Variants in DNM1 observed in about 807,000 individuals in gnomAD.
DNM1 encodes dynamin-1.
In DNM1, 29 loss-of-function variants were observed where a neutral mutation model predicts 104.6. That is an observed-to-expected ratio of 0.28 (90% confidence interval 0.21 to 0.38). The LOEUF (loss-of-function observed/expected upper bound fraction) is 0.38, where lower values mean the gene tolerates loss of function less well. Ranked by LOEUF, DNM1 falls within the 10% of genes least tolerant of loss-of-function variation. The probability of loss-of-function intolerance (pLI) is 1.00; values close to 1 mark genes in which losing one functional copy is unlikely to be tolerated. For missense variants in DNM1, 640 were observed against 1,189.4 expected (o/e 0.54, Z 6.79); for synonymous variants, 445 against 475.8 (o/e 0.94, Z 0.84).
intron 21 of DNM1, chr9:128,251,327 G>A (rs780718899): frequency 2.1e-4 from 79 of 381,476 alleles, no homozygotes; most frequent in Admixed American, 8.5e-4. Context: ...AGCCCCTGGG[G>A]AGCCTACCTT....
At chr9:128,219,020 T>C (rs763487889) in intron 3 of DNM1, 29 bp from the exon 4 acceptor site, 65 of 1,609,822 alleles carry the variant, frequency 4.0e-5, no homozygotes, top group African/African-American at 1.3e-5. Context: ...CCCCTCGCCT[T>C]GAGCCCGCCC....
At chr9:128,225,358 C>T (rs904763908) in intron 10 of DNM1, among the ~76,000 whole-genome samples, 6 of 152,150 alleles carry the variant, frequency 3.9e-5, no homozygotes, top group Non-Finnish European at 7.4e-5. Context: ...AAGGGAGGGG[C>T]GGGACTAGAG....
At chr9:128,252,754 A>G in intron 21 of DNM1, 1 of 576,008 alleles carries the variant, frequency 1.7e-6, no homozygotes, top group South Asian at 1.5e-5. Flanking sequence ...CTCTAAGCAC[A>G]CCAGGCACGA....
intron 9 of DNM1, chr9:128,223,153 C>T: frequency 4.7e-6 from 2 of 424,498 alleles, no homozygotes; most frequent in Non-Finnish European, 8.6e-6. Context: ...ATAGCTCCCC[C>T]AGTGCCACCC....
Position 128,218,420 on chromosome 9 carries a change from C to G in DNM1, c.235+116C>G. 2.1e-6 allele frequency: 3 copies of G among 1,441,484 alleles called. No individual in the cohort carries two copies. The South Asian group carries it at 3.4e-5, about 17-fold the overall frequency. The allele number at this position is 1,441,484 out of a possible 1,614,324, so 89.3% of individuals were successfully genotyped here. On this transcript the variant is annotated intron_variant, in intron 2 of 21. Transcript: ENST00000372923. This position sits in a 1 kb window ranked among gnomAD's most constrained non-coding sequence, Gnocchi z 4.8. The stretch of plus-strand genomic sequence containing the variant: ...TTGCTGTGTGACTGTGGGCCTCGTT[C>G]CCCTTAGGGATAGCGGGGATCAAAA...
At chr9:128,205,344 C>T (rs1187674034) in intron 1 of DNM1, among the ~76,000 whole-genome samples, 1 of 152,154 alleles carries the variant, frequency 6.6e-6, no homozygotes, top group African/African-American at 2.4e-5. Context: ...GATTTCAGCC[C>T]GCATCTACTG....
intron 10 of DNM1, 67 bp from the exon 11 acceptor site, chr9:128,233,953 TG>T: frequency 7.1e-7 from 1 of 1,405,066 alleles, no homozygotes; most frequent in Non-Finnish European, 9.8e-7. Context: ...CCTGGACTCG[TG>T]GGGTGTGGGT....
intron 1 of DNM1, among the ~76,000 whole-genome samples, chr9:128,217,890 G>A (rs749814018): frequency 6.6e-6 from 1 of 152,136 alleles, no homozygotes; most frequent in Non-Finnish European, 1.5e-5. Context: ...AGGCATGTGG[G>A]AGACCCCATG....
chr9:128,245,147 G>T lies in DNM1; in HGVS notation c.1672-1247G>T. On this transcript the variant is annotated intron_variant, in intron 15 of 21. Coordinates refer to ENST00000372923, the MANE Select transcript of DNM1 (RefSeq NM_004408.4). This position sits in a 1 kb window ranked among gnomAD's most constrained non-coding sequence, Gnocchi z 5.2. ...GCGGGGCCTCTCTCGAACGGTTCCAGATGTTCCCTGGCCGTGTGTGCAACT... is the reference window on the plus strand; with the variant it reads ...GCGGGGCCTCTCTCGAACGGTTCCATATGTTCCCTGGCCGTGTGTGCAACT... 1 of 188,716 alleles carries T rather than the reference G, an allele frequency of 5.3e-6. No homozygotes were observed. Among genetic ancestry groups the T allele is most frequent in the South Asian group, 8.8e-5 (1 of 11,428 alleles). 11.7% of individuals were successfully genotyped at this position (188,716 alleles called of 1,614,324 possible). A position where few individuals can be genotyped will look rare whatever the true frequency, so the allele number is the denominator to read the frequency against.
chr9:128,254,916 A>G lies in DNM1; in HGVS notation c.*202A>G, dbSNP rs1829759627. On this transcript the variant is annotated 3_prime_UTR_variant, in exon 22 of 22. Coordinates refer to ENST00000372923, the MANE Select transcript of DNM1 (RefSeq NM_004408.4). The surrounding 1 kb of genome is among the most constrained non-coding windows in gnomAD (Gnocchi z 6.1). Reference sequence around the variant, plus strand: ...CTGTGGTATGCCCTTGCCCTGTTCTATAAATATCTATAAATACTCATATAT... The same window carrying G: ...CTGTGGTATGCCCTTGCCCTGTTCTGTAAATATCTATAAATACTCATATAT... 1 of 554,090 alleles carries G rather than the reference A, an allele frequency of 1.8e-6. No individual in the cohort carries two copies. Among genetic ancestry groups the G allele is most frequent in the Admixed American group, 3.4e-5 (1 of 29,814 alleles). The allele number at this position is 554,090 out of a possible 1,614,324, so 34.3% of individuals were successfully genotyped here. A position where few individuals can be genotyped will look rare whatever the true frequency, so the allele number is the denominator to read the frequency against.
chr9:128,250,497 C>CT (rs1288305608), intron 20 of DNM1, 141 bp downstream of exon 20: 2 of 1,089,800 alleles, frequency 1.8e-6, no homozygotes, highest in African/African-American at 1.6e-5. Flanking sequence ...GAGGGCGGGG[C>CT]TTGTCGCGGG....
At chr9:128,242,183 G>T in intron 14 of DNM1, 49 bp from the exon 15 acceptor site, 2 of 1,072,770 alleles carry the variant, frequency 1.9e-6, no homozygotes, top group South Asian at 1.3e-5. Context: ...CATCCCCCAT[G>T]GGGAGGCTCA....
At position 128,254,836 on chromosome 9, in the gene DNM1, G is replaced by T. The variant is rs1019149867; in HGVS notation, c.*122G>T. On this transcript the variant is annotated 3_prime_UTR_variant, in exon 22 of 22. Coordinates refer to ENST00000372923, the MANE Select transcript of DNM1 (RefSeq NM_004408.4). This position sits in a 1 kb window ranked among gnomAD's most constrained non-coding sequence, Gnocchi z 6.1. Reference sequence around the variant, plus strand: ...CCCTTCATCTGTGACTTAATCTGTTGTAGTGGTGAGCTGATACATTCAGGT... The same window carrying T: ...CCCTTCATCTGTGACTTAATCTGTTTTAGTGGTGAGCTGATACATTCAGGT... 1.2e-6 allele frequency: 1 copy of T among 802,628 alleles called. No homozygotes were observed. Among genetic ancestry groups the T allele is most frequent in the African/African-American group, 1.7e-5 (1 of 58,124 alleles). The allele number at this position is 802,628 out of a possible 1,614,324, so 49.7% of individuals were successfully genotyped here.
At position 128,208,796 on chromosome 9, in the gene DNM1, T is replaced by C. The variant is rs115530508; in HGVS notation, c.161+5165T>C. ...CTCCTGCGTTGCAAGGAGCCTGACA[T>C]TGAGGGGAGGGGGGCTTTCTGGGCC... On this transcript the variant is annotated intron_variant, in intron 1 of 21. Coordinates refer to ENST00000372923, the MANE Select transcript of DNM1 (RefSeq NM_004408.4). 6.8e-3 allele frequency among the ~76,000 whole-genome samples: 1,038 copies of C among 151,960 alleles called. 9 individuals carry two copies. The highest frequency in any genetic ancestry group is 0.023 in the African/African-American group (955 of 41,446).
At position 128,247,950 on chromosome 9, in the gene DNM1, C is replaced by T; in HGVS notation, c.1905+15C>T. On this transcript the variant is annotated intron_variant, in intron 18 of 21. Transcript: ENST00000372923. This position sits in a 1 kb window ranked among gnomAD's most constrained non-coding sequence, Gnocchi z 5.1. The stretch of plus-strand genomic sequence containing the variant: ...ACAAAGAGAAAGTGAGTGTGCCCTT[C>T]TCTTGCCTCCTGCCAGGCATCTGCA... 15 of 1,614,144 alleles carry T rather than the reference C, an allele frequency of 9.3e-6. No individual in the cohort carries two copies. The highest frequency in any genetic ancestry group is 1.3e-5 in the Non-Finnish European group (15 of 1,180,016).
intron 10 of DNM1, among the ~76,000 whole-genome samples, chr9:128,227,080 T>A (rs990916590): frequency 7.2e-6 from 1 of 139,690 alleles, no homozygotes; most frequent in African/African-American, 2.7e-5. Flanking sequence ...AGTGGCACCA[T>A]CTTGGCTCAC....
At position 128,254,764 on chromosome 9, in the gene DNM1, G is replaced by C. The variant is rs150365327; in HGVS notation, c.*50G>C. On this transcript the variant is annotated 3_prime_UTR_variant, in exon 22 of 22. Coordinates refer to ENST00000372923, the MANE Select transcript of DNM1 (RefSeq NM_004408.4). The surrounding 1 kb of genome is among the most constrained non-coding windows in gnomAD (Gnocchi z 6.1). ...CCTCCCTTTCCAAGCCTGCCTGGAC[G>C]GCTGTTCTGTGACTTGACAGTGGCT... The C allele has an allele frequency of 6.5e-7, 1 of 1,531,174 alleles. No individual in the cohort carries two copies. The highest frequency in any genetic ancestry group is 8.9e-7 in the Non-Finnish European group (1 of 1,121,858). 94.8% of individuals were successfully genotyped at this position (1,531,174 alleles called of 1,614,324 possible).
Position 128,218,942 on chromosome 9 carries a change from A to G in DNM1, c.386-107A>G. On this transcript the variant is annotated intron_variant, in intron 3 of 21. Coordinates refer to ENST00000372923, the MANE Select transcript of DNM1 (RefSeq NM_004408.4). The surrounding 1 kb of genome is among the most constrained non-coding windows in gnomAD (Gnocchi z 4.8). ...GCCCTGAGATTTCCTAGTCCCACCC[A>G]CCTGCCACCCTGCTCCCAAGCAGCT... 2.2e-6 allele frequency: 3 copies of G among 1,376,534 alleles called. No individual in the cohort carries two copies. Among genetic ancestry groups the G allele is most frequent in the East Asian group, 2.4e-5 (1 of 40,876 alleles). The allele number at this position is 1,376,534 out of a possible 1,614,324, so 85.3% of individuals were successfully genotyped here.
At position 128,254,555 on chromosome 9, in the gene DNM1, T is replaced by G; in HGVS notation, c.2535-99T>G. The G allele has an allele frequency of 1.3e-6, 2 of 1,490,342 alleles. No homozygotes were observed. 92.3% of individuals were successfully genotyped at this position (1,490,342 alleles called of 1,614,324 possible). A position where few individuals can be genotyped will look rare whatever the true frequency, so the allele number is the denominator to read the frequency against. On this transcript the variant is annotated intron_variant, in intron 21 of 21. Transcript: ENST00000372923. The surrounding 1 kb of genome is among the most constrained non-coding windows in gnomAD (Gnocchi z 6.1). The stretch of plus-strand genomic sequence containing the variant: ...CCCTCCCCGGCCCTCCCACCACTGC[T>G]GCGGCGCGGCCGGCCCCGGCCGTGT...
Sources: gnomAD v4.1 joint callset for allele counts (sites outside exome capture counted in the v4.1 genomes callset) on GRCh38, gnomAD v4.1.1 for gene constraint, Gnocchi (gnomAD v3.1) non-coding constraint, MANE v1.5 for transcripts, NCBI Gene and HGNC (gene_info 2026-07-23, HGNC 2026-07-21) for gene names.